Variants in ATXN1 observed in about 807,000 individuals in gnomAD.
The protein encoded by ATXN1 is ataxin 1, also known as ataxin-1.
Under a neutral mutation model 56.4 loss-of-function variants are expected in ATXN1, and 8 were observed. That is an observed-to-expected ratio of 0.14 (90% CI 0.08 to 0.26). ATXN1 has a LOEUF of 0.26. ATXN1 is among the 10% of genes least tolerant of loss of function. ATXN1 has a pLI of 1.00. For synonymous variants in ATXN1, 514 were observed against 494.6 expected, an observed-to-expected ratio of 1.04 and a Z score of -0.52; for missense variants, 987 against 1,106.5, an observed-to-expected ratio of 0.89 and a Z score of 1.53.
At chr6:16,380,743 C>T (rs1758086746) in intron 6 of ATXN1, among the ~76,000 whole-genome samples, 1 of 152,142 alleles carries the variant, frequency 6.6e-6, no homozygotes, top group South Asian at 2.1e-4. Context: ...ATGCTTGACA[C>T]TCATCTCCCC....
intron 7 of ATXN1, among the ~76,000 whole-genome samples, chr6:16,320,918 A>T (rs1760634348): frequency 6.6e-6 from 1 of 152,198 alleles, no homozygotes; most frequent in South Asian, 2.1e-4. Flanking sequence ...TATTGTGCTC[A>T]TTGGAAAAGT....
rs545582019 is a variant in ATXN1 at position 16,337,447 on chromosome 6, G to A, written c.-160-8977C>T. Among the ~76,000 whole-genome samples the A allele has an allele frequency of 3.3e-5, 5 of 152,340 alleles. No individual in the cohort carries two copies. The South Asian group carries it at 1.0e-3, about 32-fold the overall frequency. On this transcript the variant is annotated intron_variant, in intron 6 of 7. Transcript: ENST00000436367. The stretch of plus-strand genomic sequence containing the variant: ...CTAGAAGCCGGCTCACATGGAAAAC[G>A]CGCTGCAGTGGCTGTGTAGCCAGTG...
intron 6 of ATXN1, among the ~76,000 whole-genome samples, chr6:16,357,336 C>T (rs1761712191): frequency 6.6e-6 from 1 of 151,348 alleles, no homozygotes; most frequent in Non-Finnish European, 1.5e-5. Flanking sequence ...GTGGCGTGAC[C>T]CCGGCTCACT....
chr6:16,522,403 T>C (rs1761310282), intron 5 of ATXN1, among the ~76,000 whole-genome samples: 1 of 152,086 alleles, frequency 6.6e-6, no homozygotes. Flanking sequence ...AGGCAAAGCA[T>C]GTGAACGGCA....
chr6:16,549,152 A>C (rs1761870585), intron 4 of ATXN1, among the ~76,000 whole-genome samples: 1 of 152,034 alleles, frequency 6.6e-6, no homozygotes. Context: ...GTTTGCAGTT[A>C]ACTTTTTTTT....
intron 6 of ATXN1, among the ~76,000 whole-genome samples, chr6:16,377,758 G>T (rs759477121): frequency 2.6e-5 from 4 of 152,228 alleles, no homozygotes; most frequent in African/African-American, 9.7e-5. Context: ...TGAAAGATGA[G>T]CAAAGCAGTT....
At chr6:16,514,587 C>G (rs1243112493) in intron 5 of ATXN1, among the ~76,000 whole-genome samples, 2 of 151,988 alleles carry the variant, frequency 1.3e-5, no homozygotes, top group African/African-American at 4.8e-5. Context: ...GATCCTAAAC[C>G]TTGGGGAGGG....
chr6:16,595,631 C>A (rs189277007), intron 3 of ATXN1, among the ~76,000 whole-genome samples: 48 of 152,336 alleles, frequency 3.2e-4, no homozygotes, highest in African/African-American at 9.4e-4. Context: ...TGGTCTCTTT[C>A]TTACTGGTTA....
At chr6:16,452,278 T>G (rs1290890649) in intron 6 of ATXN1, among the ~76,000 whole-genome samples, 1 of 152,176 alleles carries the variant, frequency 6.6e-6, no homozygotes, top group Non-Finnish European at 1.5e-5. Flanking sequence ...CAATAAATAT[T>G]TAGGGAATGA....
At chr6:16,542,206 C>T (rs371403809) in intron 4 of ATXN1, among the ~76,000 whole-genome samples, 3 of 152,142 alleles carry the variant, frequency 2.0e-5, no homozygotes, top group East Asian at 1.9e-4. Context: ...GAGGGAGAAG[C>T]GCCCAGGCTT....
chr6:16,629,103 C>A lies in ATXN1; in HGVS notation c.-489+28673G>T, dbSNP rs1159207021. ...CACTCACCAACAGTGTATAAGTGTT[C>A]CCTTTCTCCGCAACCTCATCAGCAT... On this transcript the variant is annotated intron_variant, in intron 3 of 7. Transcript: ENST00000436367. Among the ~76,000 whole-genome samples the A allele has an allele frequency of 1.0e-4, 9 of 88,290 alleles. No homozygotes were observed. The East Asian group carries it at 2.6e-3, about 25-fold the overall frequency. The allele number at this position is 88,290 out of a possible 152,430, so 57.9% of individuals were successfully genotyped here.
At chr6:16,446,700 A>G (rs1759643313) in intron 6 of ATXN1, among the ~76,000 whole-genome samples, 3 of 152,240 alleles carry the variant, frequency 2.0e-5, no homozygotes, top group Admixed American at 6.5e-5. Context: ...GTGACCTAAA[A>G]TATTCTTCAC....
chr6:16,632,667 G>GA (rs58059754), intron 3 of ATXN1, among the ~76,000 whole-genome samples: 9,127 of 148,110 alleles, frequency 0.062, 514 homozygotes, highest in Middle Eastern at 0.15. Context: ...GGGGGGTTAA[G>GA]AAAAAAAAAA....
intron 7 of ATXN1, among the ~76,000 whole-genome samples, chr6:16,308,933 A>G (rs1281667771): frequency 6.6e-6 from 1 of 152,148 alleles, no homozygotes; most frequent in East Asian, 1.9e-4. Flanking sequence ...TCTGTTTTTA[A>G]AAGATCCATG....
chr6:16,347,803 A>G (rs1288760988), intron 6 of ATXN1, among the ~76,000 whole-genome samples: 1 of 152,226 alleles, frequency 6.6e-6, no homozygotes, highest in Non-Finnish European at 1.5e-5. Context: ...AGGGCCAGAT[A>G]AGAGAATAAA....
chr6:16,733,001 A>G (rs988739849), intron 2 of ATXN1, among the ~76,000 whole-genome samples: 2 of 152,142 alleles, frequency 1.3e-5, no homozygotes, highest in African/African-American at 4.8e-5. Flanking sequence ...CTCTTTACCT[A>G]TTTTTTAAAT....
chr6:16,657,489 G>A (rs1343349423), intron 3 of ATXN1, among the ~76,000 whole-genome samples: 2 of 152,172 alleles, frequency 1.3e-5, no homozygotes, highest in African/African-American at 4.8e-5. Flanking sequence ...TGCTGTTTGT[G>A]TGTTTAGTTG....
At chr6:16,582,745 T>C (rs1366302081) in intron 4 of ATXN1, among the ~76,000 whole-genome samples, 3 of 152,198 alleles carry the variant, frequency 2.0e-5, no homozygotes, top group Non-Finnish European at 4.4e-5. Flanking sequence ...TGGTAAGCCC[T>C]TGACAACCAA....
chr6:16,523,915 C>G (rs1388497366), intron 4 of ATXN1, among the ~76,000 whole-genome samples: 1 of 152,226 alleles, frequency 6.6e-6, no homozygotes, highest in African/African-American at 2.4e-5. Context: ...AGATCCAACT[C>G]AACAATAATC....
Sources: allele counts gnomAD v4.1 joint callset (sites outside exome capture counted in the v4.1 genomes callset), GRCh38; gene constraint gnomAD v4.1.1; transcripts MANE v1.5; gene names NCBI Gene and HGNC (gene_info 2026-07-23, HGNC 2026-07-21).